SRGAP3: variants seen among roughly 807,000 people sequenced by gnomAD.
SRGAP3 encodes the protein SLIT-ROBO Rho GTPase activating protein 3, also known as SLIT-ROBO Rho GTPase-activating protein 3.
Under a neutral mutation model 121.1 loss-of-function variants are expected in SRGAP3, and 39 were observed. The observed-to-expected ratio is 0.32, with a 90% CI of 0.25 to 0.42. SRGAP3 has a LOEUF of 0.42. SRGAP3 is among the 10% of genes least tolerant of loss of function. The pLI, the probability that SRGAP3 is intolerant of heterozygous loss-of-function variation, is 1.00. For missense variants in SRGAP3, 1,213 were observed against 1,470.6 expected (o/e 0.82, Z 2.86); for synonymous variants, 601 against 570.0 (o/e 1.05, Z -0.77).
intron 3 of SRGAP3, among the ~76,000 whole-genome samples, chr3:9,305,402 G>GT (rs2125276357): frequency 1.5e-5 from 2 of 137,246 alleles, no homozygotes; most frequent in African/African-American, 5.4e-5. Flanking sequence ...TTTTGTTGCT[G>GT]TTTTTTATTT....
upstream of SRGAP3, among the ~76,000 whole-genome samples, chr3:9,252,124 A>G (rs1017551026): frequency 1.2e-4 from 18 of 152,060 alleles, no homozygotes; most frequent in African/African-American, 4.1e-4. Flanking sequence ...TGGGTTCACA[A>G]GAGATCTGGT....
At position 9,218,600 on chromosome 3, in the gene SRGAP3, CTTTAT is replaced by C. The variant is rs1952706800; in HGVS notation, c.67+30280_67+30284del. The C allele has an allele frequency of 1.3e-5, 2 of 151,872 alleles. No individual in the cohort carries two copies. The highest frequency in any genetic ancestry group is 2.4e-5 in the African/African-American group (1 of 41,448). The allele number at this position is 151,872 out of a possible 1,614,324, so 9.4% of individuals were successfully genotyped here. A position where few individuals can be genotyped will look rare whatever the true frequency, so the allele number is the denominator to read the frequency against. ...TGATTTAGGAGTACATAAAAGCTGTCTTTATTTTATTTCATTTTATTGAATTTTTT... is the reference window on the plus strand; with the variant it reads ...TGATTTAGGAGTACATAAAAGCTGTCTTTATTTCATTTTATTGAATTTTTT... On this transcript the variant is annotated intron_variant, in intron 1 of 21. Coordinates refer to ENST00000383836, the MANE Select transcript of SRGAP3 (RefSeq NM_014850.4). The surrounding 1 kb of genome is among the most constrained non-coding windows in gnomAD (Gnocchi z 5.3).
At chr3:9,070,338 CACTGCT>C (rs533839482) in intron 4 of SRGAP3, among the ~76,000 whole-genome samples, 38,495 of 152,048 alleles carry the variant, frequency 0.25, 5,681 homozygotes, top group Middle Eastern at 0.37. Flanking sequence ...CACAGTGGCT[CACTGCT>C]TCCAGCATTT....
At chr3:9,351,861 C>A (rs2030183568) in intron 1 of SRGAP3, among the ~76,000 whole-genome samples, 2 of 152,024 alleles carry the variant, frequency 1.3e-5, no homozygotes, top group South Asian at 4.1e-4. Flanking sequence ...AAAAACAGAC[C>A]CAAGGGGCCA....
At chr3:9,056,744 C>T (rs1024323928) in intron 7 of SRGAP3, among the ~76,000 whole-genome samples, 2 of 152,332 alleles carry the variant, frequency 1.3e-5, no homozygotes, top group South Asian at 4.1e-4. Flanking sequence ...GGGGCGCACT[C>T]CCATTGTGCC....
At position 9,051,271 on chromosome 3, in the gene SRGAP3, A is replaced by G. The variant is rs6800339; in HGVS notation, c.1323+1756T>C. Among the ~76,000 whole-genome samples the G allele has an allele frequency of 7.4e-3, 1,131 of 152,236 alleles. 12 individuals carry two copies. The highest frequency in any genetic ancestry group is 0.026 in the African/African-American group (1,077 of 41,532). Reference sequence around the variant, plus strand: ...AGGGATCCTCCTACTCGGCCTCCCAAAGTGCTAGGATTTTAGGCATGAGCC... The same window carrying G: ...AGGGATCCTCCTACTCGGCCTCCCAGAGTGCTAGGATTTTAGGCATGAGCC... On this transcript the variant is annotated intron_variant, in intron 9 of 21. Coordinates refer to ENST00000383836, the MANE Select transcript of SRGAP3 (RefSeq NM_014850.4).
chr3:9,171,619 AG>A (rs1354320920), intron 1 of SRGAP3, among the ~76,000 whole-genome samples: 1 of 152,200 alleles, frequency 6.6e-6, no homozygotes, highest in Non-Finnish European at 1.5e-5. Context: ...TCTTATTAAA[AG>A]TTTTTTTATT....
At position 9,160,009 on chromosome 3, in the gene SRGAP3, C is replaced by T. The variant is rs111521790; in HGVS notation, c.68-35092G>A. ...ATGCTTTCCAAAAAACTATTCAAGG[C>T]CCTGTCAGATCAGGTAGTGGTTGAG... On this transcript the variant is annotated intron_variant, in intron 1 of 21. Transcript: ENST00000383836. 1.4e-4 allele frequency among the ~76,000 whole-genome samples: 21 copies of T among 152,288 alleles called. 2 individuals are homozygous for T. The highest frequency in any genetic ancestry group is 5.1e-4 in the African/African-American group (21 of 41,574).
rs190306954 is a variant in SRGAP3 at position 9,237,741 on chromosome 3, G to C, written c.67+11144C>G. On this transcript the variant is annotated intron_variant, in intron 1 of 21. Coordinates refer to ENST00000383836, the MANE Select transcript of SRGAP3 (RefSeq NM_014850.4). ...TAGAATGACAAGGGGAGAGTGACCA[G>C]GGGAGGGAAAGAGGTGAGCACAGCG... is the stretch of plus-strand genomic sequence containing the variant. 4.2e-4 allele frequency among the ~76,000 whole-genome samples: 64 copies of C among 152,348 alleles called. 1 individual carries two copies. Among genetic ancestry groups the C allele is most frequent in the African/African-American group, 1.3e-3 (56 of 41,586 alleles).
At chr3:9,004,407 T>C (rs570274591) in intron 18 of SRGAP3, among the ~76,000 whole-genome samples, 1 of 152,296 alleles carries the variant, frequency 6.6e-6, no homozygotes, top group African/African-American at 2.4e-5. Flanking sequence ...TTTGTAGAAA[T>C]TGACAAGCTG....
At chr3:9,281,665 A>G (rs953067162) in intron 3 of SRGAP3, among the ~76,000 whole-genome samples, 1 of 152,040 alleles carries the variant, frequency 6.6e-6, no homozygotes, top group Admixed American at 6.6e-5. Flanking sequence ...ATTAGTAGAT[A>G]CTTTTGTTTG....
intron 2 of SRGAP3, among the ~76,000 whole-genome samples, chr3:9,115,497 G>T (rs949562848): frequency 6.6e-6 from 1 of 152,194 alleles, no homozygotes; most frequent in South Asian, 2.1e-4. Flanking sequence ...TTGCTGATTA[G>T]AGTCTCTGAG....
intron 1 of SRGAP3, among the ~76,000 whole-genome samples, chr3:9,147,616 GCC>G: frequency 6.6e-6 from 1 of 152,156 alleles, no homozygotes; most frequent in East Asian, 1.9e-4. Context: ...AGCCAGATGA[GCC>G]CTTCCAGGGA....
chr3:9,323,632 A>G (rs1955470764), intron 3 of SRGAP3, among the ~76,000 whole-genome samples: 1 of 151,884 alleles, frequency 6.6e-6, no homozygotes, highest in Non-Finnish European at 1.5e-5. Context: ...GTAGGCTGTG[A>G]ATCAGATACT....
intron 8 of SRGAP3, among the ~76,000 whole-genome samples, chr3:9,054,018 C>T (rs1189601738): frequency 6.7e-6 from 1 of 150,194 alleles, no homozygotes; most frequent in African/African-American, 2.5e-5. Context: ...TAAATGTCAC[C>T]TCCTGGTGAC....
chr3:8,997,455 C>A (rs912355409), intron 18 of SRGAP3, among the ~76,000 whole-genome samples: 9 of 152,182 alleles, frequency 5.9e-5, no homozygotes, highest in African/African-American at 1.9e-4. Context: ...ACAATCACAT[C>A]ATGAAACTCC....
chr3:9,211,333 GA>G (rs895123916), intron 1 of SRGAP3, among the ~76,000 whole-genome samples: 1 of 151,786 alleles, frequency 6.6e-6, no homozygotes, highest in Non-Finnish European at 1.5e-5. Context: ...CCGCAGCCTG[GA>G]AAAAAAACAT....
intron 1 of SRGAP3, among the ~76,000 whole-genome samples, chr3:9,127,448 A>ACCC (rs1949279143): frequency 6.6e-6 from 1 of 151,694 alleles, no homozygotes; most frequent in South Asian, 2.1e-4. Flanking sequence ...GTAAAATTTT[A>ACCC]TTGTTTGTTT....
chr3:9,265,970 C>T (rs1459931376), intron 3 of SRGAP3, among the ~76,000 whole-genome samples: 1 of 152,100 alleles, frequency 6.6e-6, no homozygotes, highest in Admixed American at 6.6e-5. Flanking sequence ...TTGGAACCAA[C>T]CCAAATGCTC....
Sources: gnomAD v4.1 joint callset for allele counts (sites outside exome capture counted in the v4.1 genomes callset) on GRCh38, gnomAD v4.1.1 for gene constraint, Gnocchi (gnomAD v3.1) non-coding constraint, MANE v1.5 for transcripts, NCBI Gene and HGNC (gene_info 2026-07-23, HGNC 2026-07-21) for gene names.